The following ADGRL2 variants were observed in gnomAD, a reference collection of about 807,000 sequenced individuals.
ADGRL2 encodes the protein calcium-independent alpha-latrotoxin receptor 2.
Under a neutral mutation model 157.4 loss-of-function variants are expected in ADGRL2, and 44 were observed. The observed-to-expected ratio is 0.28, with a 90% confidence interval of 0.22 to 0.36. ADGRL2 has a LOEUF of 0.36. Among genes scored for constraint, ADGRL2 ranks in the 10% least tolerant of loss-of-function variants. The probability of loss-of-function intolerance (pLI) is 1.00; values close to 1 mark genes in which losing one functional copy is unlikely to be tolerated. For synonymous variants in ADGRL2, 585 were observed against 624.7 expected (o/e 0.94, Z 0.95); for missense variants, 1,510 against 1,768.9 (o/e 0.85, Z 2.63).
chr1:81,497,545 G>T (rs1570283309), intron 2 of ADGRL2, among the ~76,000 whole-genome samples: 1 of 152,230 alleles, frequency 6.6e-6, no homozygotes, highest in East Asian at 1.9e-4. Context: ...AAGAAGAATA[G>T]TTATAGATTC....
chr1:81,382,159 A>G (rs778786369), intron 1 of ADGRL2, among the ~76,000 whole-genome samples: 1 of 152,212 alleles, frequency 6.6e-6, no homozygotes, highest in Non-Finnish European at 1.5e-5. Flanking sequence ...TCATAATTAT[A>G]TAGTATTTTT....
chr1:81,680,675 G>A (rs1032281101), intron 3 of ADGRL2, among the ~76,000 whole-genome samples: 2 of 151,990 alleles, frequency 1.3e-5, no homozygotes, highest in Non-Finnish European at 2.9e-5. Context: ...TTTGCCGCTC[G>A]AGATCCAATT....
At chr1:81,435,075 T>C (rs945790462) in intron 1 of ADGRL2, among the ~76,000 whole-genome samples, 3 of 152,232 alleles carry the variant, frequency 2.0e-5, no homozygotes, top group Non-Finnish European at 4.4e-5. Context: ...TTATACTCTA[T>C]ATTAAGTTAG....
chr1:81,425,250 A>T (rs935496795), intron 1 of ADGRL2, among the ~76,000 whole-genome samples: 2 of 152,170 alleles, frequency 1.3e-5, no homozygotes, highest in African/African-American at 2.4e-5. Context: ...CACACAACAC[A>T]ATCACGTACC....
At chr1:81,709,490 A>C (rs921226487) in intron 1 of ADGRL2, among the ~76,000 whole-genome samples, 1 of 152,190 alleles carries the variant, frequency 6.6e-6, no homozygotes, top group African/African-American at 2.4e-5. Context: ...CTTTTAAAAG[A>C]GATGACTTTG....
At chr1:81,397,729 A>G (rs1169555383) in intron 1 of ADGRL2, among the ~76,000 whole-genome samples, 1 of 152,144 alleles carries the variant, frequency 6.6e-6, no homozygotes, top group Admixed American at 6.5e-5. Flanking sequence ...TTGCAGCCTA[A>G]CATGTGGTCT....
At position 81,898,188 on chromosome 1, in the gene ADGRL2, T is replaced by G. The variant is rs375382192; in HGVS notation, c.74-8829T>G. ...GGCATATCACTTATTTGGACTGAGT[T>G]GATGATTGTGTAGTTATATGATCTT... On this transcript the variant is annotated intron_variant, in intron 2 of 23. Coordinates refer to ENST00000686636, the MANE Select transcript of ADGRL2 (RefSeq NM_001366006.2). 7.2e-5 allele frequency among the ~76,000 whole-genome samples: 11 copies of G among 152,306 alleles called. No homozygotes were observed. The South Asian group carries it at 2.3e-3, about 32-fold the overall frequency.
intron 1 of ADGRL2, among the ~76,000 whole-genome samples, chr1:81,705,132 A>T (rs1251056277): frequency 1.3e-5 from 2 of 152,094 alleles, no homozygotes. Flanking sequence ...GGCTCACTGC[A>T]ACCTCCACCT....
intron 3 of ADGRL2, among the ~76,000 whole-genome samples, chr1:81,582,596 C>CA (rs199970091): frequency 3.3e-4 from 46 of 138,352 alleles, no homozygotes; most frequent in East Asian, 1.9e-3. Flanking sequence ...CAATTGCACT[C>CA]AAAAAAAAAA....
intron 2 of ADGRL2, among the ~76,000 whole-genome samples, chr1:81,522,785 T>C (rs2079353086): frequency 6.6e-6 from 1 of 152,208 alleles, no homozygotes; most frequent in South Asian, 2.1e-4. Flanking sequence ...ATAAAGCTAA[T>C]TTTTGCGTGC....
In ADGRL2 at chr1:81,907,892, C is replaced by G. The variant is rs534345106; in HGVS notation, c.287+662C>G. 2.6e-5 allele frequency among the ~76,000 whole-genome samples: 4 copies of G among 152,212 alleles called. No homozygotes were observed. In the South Asian group the frequency reaches 8.3e-4, roughly 32 times the overall value. On this transcript the variant is annotated intron_variant, in intron 3 of 23. Transcript: ENST00000686636. ...CACCATTGTAGTATCATACAGAATA[C>G]CTTCATGTGCCACATAATGACTACT...
intron 1 of ADGRL2, among the ~76,000 whole-genome samples, chr1:81,368,031 G>A (rs931238308): frequency 1.3e-5 from 2 of 152,226 alleles, no homozygotes; most frequent in East Asian, 1.9e-4. Flanking sequence ...CGATTCCTTT[G>A]GGTATATACC....
chr1:81,336,292 CTGAT>C (rs1198634741), intron 1 of ADGRL2, among the ~76,000 whole-genome samples: 1 of 152,188 alleles, frequency 6.6e-6, no homozygotes, highest in Non-Finnish European at 1.5e-5. Flanking sequence ...ATGAATGCGA[CTGAT>C]TGTGATACTA....
rs772113763 is a variant in ADGRL2 at position 81,979,944 on chromosome 1, A to G, written c.3097A>G (p.Arg1033Gly). The G allele has an allele frequency of 2.5e-6, 4 of 1,598,354 alleles. No homozygotes were observed. In the South Asian group the frequency reaches 3.3e-5, roughly 13 times the overall value. The change falls in exon 18 of 24, where the codon AGG becomes GGG. Residue 1033 changes from arginine to glycine, a missense_variant. This residue lies in a region of ADGRL2 where 497 missense variants were observed against 627.2 expected (regional missense o/e 0.79). Coordinates refer to ENST00000686636, the MANE Select transcript of ADGRL2 (RefSeq NM_001366006.2). ...AAACACTTTGAAACCAGATTCTAGCAGGTTGGAAAACATTAAGTAAGTATT... is the reference window on the plus strand; with the variant it reads ...AAACACTTTGAAACCAGATTCTAGCGGGTTGGAAAACATTAAGTAAGTATT... ...HSNTLKPDSS[R>G]LENIKSWVLG...
chr1:81,646,924 T>C (rs1182892485), intron 3 of ADGRL2, among the ~76,000 whole-genome samples: 1 of 152,218 alleles, frequency 6.6e-6, no homozygotes, highest in African/African-American at 2.4e-5. Context: ...GAATGTACTT[T>C]TATCAACTCT....
intron 1 of ADGRL2, among the ~76,000 whole-genome samples, chr1:81,714,124 T>A (rs1570930527): frequency 6.6e-6 from 1 of 152,276 alleles, no homozygotes; most frequent in East Asian, 1.9e-4. Context: ...ATGATTCCAT[T>A]ACCTCCCACC....
chr1:81,437,189 T>C (rs12021749), intron 1 of ADGRL2, among the ~76,000 whole-genome samples: 3,729 of 152,310 alleles, frequency 0.024, 71 homozygotes, highest in South Asian at 0.058. Context: ...CTTAAAAAGA[T>C]TCATCATGAA....
chr1:81,722,305 A>G (rs2084359058), intron 1 of ADGRL2: 1 of 582,090 alleles, frequency 1.7e-6, no homozygotes, highest in Non-Finnish European at 3.1e-6. Flanking sequence ...AAAAAAAGAA[A>G]ATGCAGAGAT....
At chr1:81,604,845 GA>G (rs2081401951) in intron 3 of ADGRL2, among the ~76,000 whole-genome samples, 1 of 152,050 alleles carries the variant, frequency 6.6e-6, no homozygotes, top group Non-Finnish European at 1.5e-5. Context: ...GATAGATAAT[GA>G]AAAAGTACCC....
Sources: allele counts gnomAD v4.1 joint callset (sites outside exome capture counted in the v4.1 genomes callset), GRCh38; gene constraint gnomAD v4.1.1; regional missense constraint gnomAD v4.1.1; transcripts MANE v1.5; gene names NCBI Gene and HGNC (gene_info 2026-07-23, HGNC 2026-07-21).